The following NRXN3 variants were observed in gnomAD, a reference collection of about 807,000 sequenced individuals.
NRXN3 encodes neurexin 3, also known as neurexin III.
A neutral mutation model predicts 137.6 loss-of-function variants in NRXN3; 32 were observed. The observed-to-expected ratio is 0.23, with a 90% CI of 0.18 to 0.31. The LOEUF (loss-of-function observed/expected upper bound fraction) is 0.31. Among genes scored for constraint, NRXN3 ranks in the 10% least tolerant of loss-of-function variants. The probability of loss-of-function intolerance (pLI) is 1.00; values close to 1 mark genes in which losing one functional copy is unlikely to be tolerated. For synonymous variants in NRXN3, 798 were observed against 784.5 expected, an observed-to-expected ratio of 1.02 and a Z score of -0.29; for missense variants, 1,574 against 2,062.5, an observed-to-expected ratio of 0.76 and a Z score of 4.59.
chr14:79,744,631 G>C (rs1248355099), intron 19 of NRXN3, among the ~76,000 whole-genome samples: 1 of 152,196 alleles, frequency 6.6e-6, no homozygotes, highest in African/African-American at 2.4e-5. Flanking sequence ...CCTAACAATG[G>C]AATTGCAAAG....
chr14:79,565,143 T>C (rs2097534499), intron 16 of NRXN3, among the ~76,000 whole-genome samples: 1 of 151,928 alleles, frequency 6.6e-6, no homozygotes. Context: ...GTATTTAATT[T>C]ATAAATGGGT....
At chr14:78,284,628 C>T (rs72685795) in intron 3 of NRXN3, among the ~76,000 whole-genome samples, 5,043 of 152,060 alleles carry the variant, frequency 0.033, 117 homozygotes, top group African/African-American at 0.063. Context: ...TTTTTAAAAA[C>T]GGAAAATCAA....
At chr14:78,879,559 T>C (rs939220610) in intron 10 of NRXN3, among the ~76,000 whole-genome samples, 2 of 152,232 alleles carry the variant, frequency 1.3e-5, no homozygotes, top group African/African-American at 4.8e-5. Flanking sequence ...TTGCTTATTT[T>C]TTAATTGGGT....
chr14:78,732,761 T>G (rs1180304936), intron 8 of NRXN3, among the ~76,000 whole-genome samples: 1 of 152,150 alleles, frequency 6.6e-6, no homozygotes. Flanking sequence ...CAGAAAATCA[T>G]TAGCTTCAAA....
intron 4 of NRXN3, among the ~76,000 whole-genome samples, chr14:78,340,146 T>C (rs1042125399): frequency 2.6e-5 from 4 of 152,140 alleles, no homozygotes; most frequent in African/African-American, 7.2e-5. Flanking sequence ...AAGCATAGTT[T>C]GCATCTGCAA....
At chr14:78,674,084 G>A (rs1197114324) in intron 6 of NRXN3, among the ~76,000 whole-genome samples, 3 of 152,142 alleles carry the variant, frequency 2.0e-5, no homozygotes, top group African/African-American at 2.4e-5. Flanking sequence ...TTTGCAGACC[G>A]AACTGCCTAT....
At chr14:78,627,326 C>G (rs1311745827) in intron 4 of NRXN3, among the ~76,000 whole-genome samples, 2 of 152,050 alleles carry the variant, frequency 1.3e-5, no homozygotes, top group African/African-American at 4.8e-5. Context: ...GGATTGGAGT[C>G]ATTTAGGCAG....
intron 4 of NRXN3, among the ~76,000 whole-genome samples, chr14:78,310,457 C>T (rs1440866211): frequency 3.3e-5 from 5 of 151,982 alleles, no homozygotes; most frequent in Non-Finnish European, 5.9e-5. Flanking sequence ...ATCTGTAGTA[C>T]ACCATTTGCC....
At chr14:79,259,743 C>T (rs937938143) in intron 15 of NRXN3, among the ~76,000 whole-genome samples, 1 of 143,506 alleles carries the variant, frequency 7.0e-6, no homozygotes, top group Non-Finnish European at 1.5e-5. Context: ...CACACACACA[C>T]ATATACACAC....
intron 10 of NRXN3, among the ~76,000 whole-genome samples, chr14:78,879,670 G>T (rs994768204): frequency 5.9e-5 from 9 of 152,146 alleles, no homozygotes; most frequent in Non-Finnish European, 1.0e-4. Context: ...AATGAATCTT[G>T]TGAAAGCTTA....
In NRXN3 at chr14:78,765,209, A is replaced by G. The variant is rs572917713; in HGVS notation, c.2045-38411A>G. Among the ~76,000 whole-genome samples, 159 of 152,174 alleles carry G rather than the reference A, an allele frequency of 1.0e-3. 1 individual carries two copies. Among genetic ancestry groups the G allele is most frequent in the African/African-American group, 3.7e-3 (152 of 41,530 alleles). ...ACTCTTGTTGCCCAGGCTGGAGTGC[A>G]ATGGCGCAATCTTGGCTCACTGCAA... On this transcript the variant is annotated intron_variant, in intron 8 of 20. Transcript: ENST00000335750.
intron 2 of NRXN3, among the ~76,000 whole-genome samples, chr14:78,253,504 T>C (rs2068981784): frequency 6.6e-6 from 1 of 151,916 alleles, no homozygotes; most frequent in South Asian, 2.1e-4. Context: ...CGAGACATCA[T>C]CTGTACAAAT....
At chr14:78,266,639 G>A (rs935720715) in intron 2 of NRXN3, among the ~76,000 whole-genome samples, 1 of 152,034 alleles carries the variant, frequency 6.6e-6, no homozygotes, top group African/African-American at 2.4e-5. Flanking sequence ...CCTTATCTGG[G>A]TTTCTGAGCT....
chr14:78,859,663 T>C (rs2099067256), intron 10 of NRXN3, among the ~76,000 whole-genome samples: 1 of 152,166 alleles, frequency 6.6e-6, no homozygotes. Flanking sequence ...ATCTTAAGCT[T>C]ATTTGGGGAC....
At chr14:78,557,743 T>A (rs1205661355) in intron 4 of NRXN3, among the ~76,000 whole-genome samples, 2 of 152,180 alleles carry the variant, frequency 1.3e-5, no homozygotes, top group Non-Finnish European at 2.9e-5. Flanking sequence ...CAACTTTGCC[T>A]CCCTCACAGC....
chr14:78,223,455 A>G (rs957691485), intron 1 of NRXN3, among the ~76,000 whole-genome samples: 4 of 151,754 alleles, frequency 2.6e-5, no homozygotes, highest in African/African-American at 9.7e-5. Context: ...TTCCCCTCCC[A>G]CCCTCCTAGA....
At chr14:79,208,090 T>C (rs1055473324) in intron 15 of NRXN3, among the ~76,000 whole-genome samples, 1 of 152,180 alleles carries the variant, frequency 6.6e-6, no homozygotes, top group African/African-American at 2.4e-5. Flanking sequence ...ATCATATTTG[T>C]AGAAAGAAAG....
chr14:79,698,190 C>T (rs570299118), intron 19 of NRXN3, among the ~76,000 whole-genome samples: 20 of 152,022 alleles, frequency 1.3e-4, no homozygotes, highest in Middle Eastern at 6.8e-3. Flanking sequence ...TTATTCAAAA[C>T]GAGCAATGGA....
intron 15 of NRXN3, among the ~76,000 whole-genome samples, chr14:79,411,086 ATTTTGT>A (rs2095411645): frequency 6.6e-6 from 1 of 152,004 alleles, no homozygotes; most frequent in African/African-American, 2.4e-5. Context: ...GCATAAGGTA[ATTTTGT>A]CCAAGTGGTT....
Sources: allele counts gnomAD v4.1 joint callset (sites outside exome capture counted in the v4.1 genomes callset), GRCh38; gene constraint gnomAD v4.1.1; transcripts MANE v1.5; gene names NCBI Gene and HGNC (gene_info 2026-07-23, HGNC 2026-07-21).